The following TET1 variants were observed in gnomAD, a reference collection of about 807,000 sequenced individuals.
TET1 encodes the protein tet methylcytosine dioxygenase 1.
Under a neutral mutation model 148.7 loss-of-function variants are expected in TET1, and 13 were observed. The ratio of observed to expected loss-of-function variants is 0.09; its 90% CI spans 0.06 to 0.14. The LOEUF (loss-of-function observed/expected upper bound fraction) is 0.14, where lower values mean the gene tolerates loss of function less well. Ranked by LOEUF, TET1 falls within the 10% of genes least tolerant of loss-of-function variation. The probability of loss-of-function intolerance (pLI) is 1.00; values close to 1 mark genes in which losing one functional copy is unlikely to be tolerated. For missense variants in TET1, 2,182 were observed against 2,553.8 expected (o/e 0.85, Z 3.14); for synonymous variants, 907 against 937.2 (o/e 0.97, Z 0.59).
intron 3 of TET1, among the ~76,000 whole-genome samples, chr10:68,616,485 A>G (rs1165714832): frequency 6.6e-6 from 1 of 152,176 alleles, no homozygotes; most frequent in African/African-American, 2.4e-5. Context: ...TGTATCTGCC[A>G]GGTTTCTCCA....
chr10:68,617,909 ATTTC>A (rs1040913277), intron 3 of TET1, among the ~76,000 whole-genome samples: 33 of 151,400 alleles, frequency 2.2e-4, no homozygotes, highest in Admixed American at 1.9e-3. Context: ...GTCATCTTGA[ATTTC>A]TTTCTTTCTC....
At chr10:68,678,802 C>G (rs2055398412) in intron 8 of TET1, among the ~76,000 whole-genome samples, 1 of 152,136 alleles carries the variant, frequency 6.6e-6, no homozygotes, top group Admixed American at 6.5e-5. Flanking sequence ...CCCTCTGTAT[C>G]TGACATGCAT....
chr10:68,656,933 C>T (rs867732291), intron 6 of TET1, among the ~76,000 whole-genome samples: 2 of 150,628 alleles, frequency 1.3e-5, no homozygotes, highest in Non-Finnish European at 2.9e-5. Flanking sequence ...GGCTGAGGCA[C>T]GAGAATCACT....
chr10:68,595,961 T>TATATATATATAC (rs1388095909), intron 2 of TET1, among the ~76,000 whole-genome samples: 1 of 37,302 alleles, frequency 2.7e-5, no homozygotes, highest in African/African-American at 8.7e-5. Flanking sequence ...TATATATATA[T>TATATATATATAC]ACACACACAC....
intron 3 of TET1, among the ~76,000 whole-genome samples, chr10:68,629,371 T>G (rs2133017851): frequency 6.6e-6 from 1 of 151,840 alleles, no homozygotes; most frequent in African/African-American, 2.4e-5. Flanking sequence ...TCTCAAAAAA[T>G]AATAATAATA....
intron 3 of TET1, chr10:68,632,529 T>G (rs1008840025): frequency 6.2e-7 from 1 of 1,611,850 alleles, no homozygotes; most frequent in South Asian, 1.1e-5. Context: ...TGTTCACTAG[T>G]AGAATTAGAA....
chr10:68,694,300 A>G lies in TET1; in HGVS notation c.*2486A>G. Reference sequence around the variant, plus strand: ...ACTGTGGGAACCAAATTGGATTCCTACTTTGTTGGACTCTCTTTCCTGATT... The same window carrying G: ...ACTGTGGGAACCAAATTGGATTCCTGCTTTGTTGGACTCTCTTTCCTGATT... On this transcript the variant is annotated 3_prime_UTR_variant, in exon 12 of 12. Transcript: ENST00000373644. The G allele has an allele frequency of 4.3e-6, 1 of 232,594 alleles. No individual in the cohort carries two copies. The highest frequency in any genetic ancestry group is 2.2e-5 in the African/African-American group (1 of 45,418). The allele number at this position is 232,594 out of a possible 1,614,324, so 14.4% of individuals were successfully genotyped here.
rs2055603475 is a variant in TET1 at position 68,692,170 on chromosome 10, A to G, written c.*356A>G. On this transcript the variant is annotated 3_prime_UTR_variant, in exon 12 of 12. Coordinates refer to ENST00000373644, the MANE Select transcript of TET1 (RefSeq NM_030625.3). ...GAGGATTTTAACAGGTTCATGTTCT[A>G]TGATGTAAAATCAAGACACACAGTG... 1 of 281,232 alleles carries G rather than the reference A, an allele frequency of 3.6e-6. No individual in the cohort carries two copies. The highest frequency in any genetic ancestry group is 9.8e-5 in the South Asian group (1 of 10,162). 17.4% of individuals were successfully genotyped at this position (281,232 alleles called of 1,614,324 possible). A position where few individuals can be genotyped will look rare whatever the true frequency, so the allele number is the denominator to read the frequency against.
At chr10:68,604,351 G>T (rs1225031688) in intron 3 of TET1, among the ~76,000 whole-genome samples, 1 of 152,158 alleles carries the variant, frequency 6.6e-6, no homozygotes, top group Non-Finnish European at 1.5e-5. Flanking sequence ...GTTTAATAAA[G>T]GAATTACTTT....
At chr10:68,614,357 G>A (rs1233452926) in intron 3 of TET1, among the ~76,000 whole-genome samples, 2 of 152,136 alleles carry the variant, frequency 1.3e-5, no homozygotes, top group Non-Finnish European at 2.9e-5. Context: ...TTCATGGTCA[G>A]AAATAAAAAA....
Position 68,692,264 on chromosome 10 carries a change from A to G in TET1, c.*450A>G, listed in dbSNP as rs1174754956. On this transcript the variant is annotated 3_prime_UTR_variant, in exon 12 of 12. Transcript: ENST00000373644. Reference sequence around the variant, plus strand: ...TAAAAATAAGCTGAATTATTATTTCATGGTGCCATTGTTCCAACATCTTCC... The same window carrying G: ...TAAAAATAAGCTGAATTATTATTTCGTGGTGCCATTGTTCCAACATCTTCC... The G allele has an allele frequency of 4.3e-6, 1 of 234,958 alleles. No individual in the cohort carries two copies. Among genetic ancestry groups the G allele is most frequent in the South Asian group, 1.8e-4 (1 of 5,672 alleles). 14.6% of individuals were successfully genotyped at this position (234,958 alleles called of 1,614,324 possible).
chr10:68,634,524 G>C (rs1190523145), intron 3 of TET1, among the ~76,000 whole-genome samples: 1 of 152,196 alleles, frequency 6.6e-6, no homozygotes, highest in Non-Finnish European at 1.5e-5. Flanking sequence ...ATTTGCTACT[G>C]AATTGTTAAT....
chr10:68,580,621 A>C (rs543156223), intron 2 of TET1, among the ~76,000 whole-genome samples: 41 of 151,250 alleles, frequency 2.7e-4, no homozygotes, highest in African/African-American at 8.7e-4. Flanking sequence ...TCTACCAAAA[A>C]TTCAAAAAAA....
Position 68,694,110 on chromosome 10 carries a change from A to G in TET1, c.*2296A>G, listed in dbSNP as rs2055626216. 1 of 232,576 alleles carries G rather than the reference A, an allele frequency of 4.3e-6. No homozygotes were observed. Among genetic ancestry groups the G allele is most frequent in the Non-Finnish European group, 8.5e-6 (1 of 117,648 alleles). 14.4% of individuals were successfully genotyped at this position (232,576 alleles called of 1,614,324 possible). ...CTCTCTCTCAATAGGTTTCTTAACA[A>G]TCTAAACTTGAAACATCAATGTTAA... On this transcript the variant is annotated 3_prime_UTR_variant, in exon 12 of 12. Coordinates refer to ENST00000373644, the MANE Select transcript of TET1 (RefSeq NM_030625.3).
At chr10:68,679,737 G>A (rs1384639775) in intron 8 of TET1, among the ~76,000 whole-genome samples, 1 of 151,936 alleles carries the variant, frequency 6.6e-6, no homozygotes, top group African/African-American at 2.4e-5. Context: ...GCAATGCCAT[G>A]GTCTCAGCTC....
chr10:68,644,914 A>C lies in TET1; in HGVS notation c.2185A>C (p.Asn729His), dbSNP rs767412259. ...TCACGTGAAAGGAGATTTTAGTGCT[A>C]ATGTCCCAGAAGCTGAAAAATCGAA... ...TDHVKGDFSA[N>H]VPEAEKSKNS... The change falls in exon 4 of 12, where the codon AAT becomes CAT. Residue 729 changes from asparagine (N) to histidine (H), a missense_variant. Coordinates refer to ENST00000373644, the MANE Select transcript of TET1 (RefSeq NM_030625.3). 6.2e-7 allele frequency: 1 copy of C among 1,611,486 alleles called. No individual in the cohort carries two copies. The highest frequency in any genetic ancestry group is 1.1e-5 in the South Asian group (1 of 90,296).
chr10:68,587,867 C>T (rs1172013629), intron 2 of TET1, among the ~76,000 whole-genome samples: 3 of 152,056 alleles, frequency 2.0e-5, no homozygotes, highest in South Asian at 2.1e-4. Flanking sequence ...AATAGAAACA[C>T]GTCTTGTTGT....
chr10:68,613,307 T>G (rs1295956706), intron 3 of TET1, among the ~76,000 whole-genome samples: 1 of 152,002 alleles, frequency 6.6e-6, no homozygotes. Context: ...CATAGACTAC[T>G]TGTTCCATTT....
chr10:68,570,410 C>G (rs1461591218), intron 1 of TET1, among the ~76,000 whole-genome samples: 3 of 151,590 alleles, frequency 2.0e-5, no homozygotes, highest in Admixed American at 6.6e-5. Flanking sequence ...CAGCCAGTAC[C>G]GGATAGTTTT....
Sources: gnomAD v4.1 joint callset for allele counts (sites outside exome capture counted in the v4.1 genomes callset) on GRCh38, gnomAD v4.1.1 for gene constraint, MANE v1.5 for transcripts, NCBI Gene and HGNC (gene_info 2026-07-23, HGNC 2026-07-21) for gene names.